The following GTF2IRD1 variants were observed in gnomAD, a reference collection of about 807,000 sequenced individuals.
The protein encoded by GTF2IRD1 is GTF2I repeat domain containing 1.
Under a neutral mutation model 113.2 loss-of-function variants are expected in GTF2IRD1, and 26 were observed. The observed-to-expected ratio is 0.23, with a 90% CI of 0.17 to 0.32. GTF2IRD1 has a LOEUF of 0.32. Ranked by LOEUF, GTF2IRD1 falls within the 10% of genes least tolerant of loss-of-function variation. The pLI is 1.00. For missense variants in GTF2IRD1, 864 were observed against 1,280.8 expected, an observed-to-expected ratio of 0.67 and a Z score of 4.97; for synonymous variants, 484 against 529.1, an observed-to-expected ratio of 0.91 and a Z score of 1.17.
At chr7:74,567,732 G>T (rs1336846864) in intron 22 of GTF2IRD1, among the ~76,000 whole-genome samples, 2 of 152,050 alleles carry the variant, frequency 1.3e-5, no homozygotes, top group Admixed American at 6.6e-5. Context: ...CTTTTAGAGG[G>T]CAGGAGAGAA....
At chr7:74,499,691 CACATGAATGAATGCAT>C (rs1795921233) in intron 1 of GTF2IRD1, among the ~76,000 whole-genome samples, 1 of 151,768 alleles carries the variant, frequency 6.6e-6, no homozygotes, top group Non-Finnish European at 1.5e-5. Context: ...AATGAATGCA[CACATGAATGAATGCAT>C]ACACACAAAG....
intron 22 of GTF2IRD1, among the ~76,000 whole-genome samples, chr7:74,563,365 G>C (rs1270457475): frequency 2.6e-5 from 4 of 151,802 alleles, no homozygotes; most frequent in African/African-American, 4.8e-5. Flanking sequence ...AGATCACGAG[G>C]TCAGGAGTTC....
At chr7:74,505,199 C>G (rs1210631569) in intron 1 of GTF2IRD1, among the ~76,000 whole-genome samples, 3 of 152,162 alleles carry the variant, frequency 2.0e-5, no homozygotes, top group African/African-American at 7.2e-5. Flanking sequence ...CCTTCATTTT[C>G]TGTTTAGAAC....
intron 8 of GTF2IRD1, 83 bp from the exon 9 acceptor site, chr7:74,529,651 G>A: frequency 1.8e-6 from 2 of 1,136,482 alleles, no homozygotes; most frequent in Non-Finnish European, 2.6e-6. Context: ...GACGGTGGGA[G>A]GTGATGGGGA....
At chr7:74,487,426 A>C (rs1319790943) in intron 1 of GTF2IRD1, 1 of 152,224 alleles carries the variant, frequency 6.6e-6, no homozygotes, top group Non-Finnish European at 1.5e-5. Flanking sequence ...TAAGTCACCC[A>C]AAGTGTAACA....
intron 1 of GTF2IRD1, among the ~76,000 whole-genome samples, chr7:74,471,767 G>T (rs953851670): frequency 9.9e-5 from 15 of 151,920 alleles, no homozygotes; most frequent in African/African-American, 3.6e-4. Flanking sequence ...GCCAAGGCGG[G>T]CAGATCATGA....
At chr7:74,519,957 G>A (rs782180572) in intron 6 of GTF2IRD1, among the ~76,000 whole-genome samples, 59 of 151,920 alleles carry the variant, frequency 3.9e-4, no homozygotes, top group Non-Finnish European at 6.5e-4. Context: ...GGACGCCTGC[G>A]AGGACTCCCT....
At chr7:74,495,729 C>T (rs1328948911) in intron 1 of GTF2IRD1, among the ~76,000 whole-genome samples, 2 of 152,098 alleles carry the variant, frequency 1.3e-5, no homozygotes, top group Non-Finnish European at 2.9e-5. Context: ...GAGCCAGCAG[C>T]GGGGAAGGGC....
intron 17 of GTF2IRD1, among the ~76,000 whole-genome samples, chr7:74,548,885 G>A (rs1799118296): frequency 6.6e-6 from 1 of 152,156 alleles, no homozygotes; most frequent in South Asian, 2.1e-4. Context: ...TCCAGCCTGG[G>A]TAACAGAGCA....
chr7:74,517,839 G>A (rs1386274674), intron 4 of GTF2IRD1, among the ~76,000 whole-genome samples: 1 of 152,060 alleles, frequency 6.6e-6, no homozygotes, highest in Admixed American at 6.6e-5. Context: ...TTGAGTCCCC[G>A]ATTTCCCCTC....
intron 1 of GTF2IRD1, among the ~76,000 whole-genome samples, chr7:74,467,196 G>A (rs1253687661): frequency 6.6e-6 from 1 of 151,950 alleles, no homozygotes; most frequent in Admixed American, 6.6e-5. Context: ...TGATCCACCC[G>A]CCTCAGCCTC....
chr7:74,574,627 T>C (rs1427479935), intron 22 of GTF2IRD1, among the ~76,000 whole-genome samples: 1 of 150,972 alleles, frequency 6.6e-6, no homozygotes, highest in Non-Finnish European at 1.5e-5. Context: ...GCCAGGCTAA[T>C]TTTTGTATTT....
At chr7:74,526,781 G>A (rs1797625387) in intron 8 of GTF2IRD1, among the ~76,000 whole-genome samples, 1 of 152,072 alleles carries the variant, frequency 6.6e-6, no homozygotes, top group African/African-American at 2.4e-5. Context: ...GGCTGGGGGT[G>A]GCTGCTGATG....
intron 1 of GTF2IRD1, among the ~76,000 whole-genome samples, chr7:74,474,965 A>C (rs1379201841): frequency 6.6e-6 from 1 of 152,036 alleles, no homozygotes; most frequent in African/African-American, 2.4e-5. Flanking sequence ...AAATAAAATA[A>C]AATAAAATTA....
At chr7:74,574,396 G>T (rs902918638) in intron 22 of GTF2IRD1, among the ~76,000 whole-genome samples, 1 of 150,244 alleles carries the variant, frequency 6.7e-6, no homozygotes, top group Non-Finnish European at 1.5e-5. Flanking sequence ...TCACCGCCTT[G>T]GTTTCCCAAA....
At position 74,519,461 on chromosome 7, in the gene GTF2IRD1, G is replaced by A. The variant is rs1797136389; in HGVS notation, c.658G>A (p.Val220Ile). The change falls in exon 6 of 27, where the codon GTC becomes ATC. Residue 220 changes from valine (V) to isoleucine (I), a missense_variant. This residue lies in a region of GTF2IRD1 where 195 missense variants were observed against 196.6 expected (regional missense o/e 0.99). Transcript: ENST00000424337. ...DSKALVELNG[V>I]SLIPKGSRDC... Reference sequence around the variant, plus strand: ...GAAGGCCCTGGTGGAGCTGAACGGTGTCTCCCTGATTCCCAAGGGGTCACG... The same window carrying A: ...GAAGGCCCTGGTGGAGCTGAACGGTATCTCCCTGATTCCCAAGGGGTCACG... The A allele has an allele frequency of 6.3e-7, 1 of 1,587,754 alleles. No homozygotes were observed.
chr7:74,530,898 A>C (rs1454464896), intron 9 of GTF2IRD1, among the ~76,000 whole-genome samples: 1 of 152,016 alleles, frequency 6.6e-6, no homozygotes, highest in Non-Finnish European at 1.5e-5. Flanking sequence ...GCGAGACCCC[A>C]TCTCTGCAAA....
chr7:74,477,804 G>T (rs1461826998), intron 1 of GTF2IRD1, among the ~76,000 whole-genome samples: 2 of 152,212 alleles, frequency 1.3e-5, no homozygotes, highest in Non-Finnish European at 2.9e-5. Flanking sequence ...AGCGCCCCAG[G>T]ATTAGATCAC....
At chr7:74,558,134 C>G (rs1449383590) in intron 20 of GTF2IRD1, among the ~76,000 whole-genome samples, 2 of 151,822 alleles carry the variant, frequency 1.3e-5, no homozygotes, top group African/African-American at 4.8e-5. Context: ...AAGAAATTAG[C>G]CAGGTGCAGT....
Sources: allele counts gnomAD v4.1 joint callset (sites outside exome capture counted in the v4.1 genomes callset), GRCh38; gene constraint gnomAD v4.1.1; regional missense constraint gnomAD v4.1.1; transcripts MANE v1.5; gene names NCBI Gene and HGNC (gene_info 2026-07-23, HGNC 2026-07-21).